The following WDPCP variants were observed in gnomAD, a reference collection of about 807,000 sequenced individuals.
WDPCP encodes WD repeat-containing and planar cell polarity effector protein fritz homolog.
Under a neutral mutation model 93.1 loss-of-function variants are expected in WDPCP, and 71 were observed. The ratio of observed to expected loss-of-function variants is 0.76; its 90% CI spans 0.63 to 0.93. The LOEUF is 0.93. Ranked by LOEUF, WDPCP falls within the 40% of genes least tolerant of loss-of-function variation. WDPCP has a pLI of 0.00. For synonymous variants in WDPCP, 315 were observed against 315.0 expected, an observed-to-expected ratio of 1.00 and a Z score of 0.00; for missense variants, 844 against 887.4, an observed-to-expected ratio of 0.95 and a Z score of 0.62.
intron 13 of WDPCP, among the ~76,000 whole-genome samples, chr2:63,259,849 T>G (rs1341666025): frequency 6.6e-6 from 1 of 152,216 alleles, no homozygotes; most frequent in African/African-American, 2.4e-5. Context: ...TACTAGTATT[T>G]TGAACTCAAA....
chr2:63,485,504 G>T (rs982883055), intron 4 of WDPCP, among the ~76,000 whole-genome samples: 15 of 151,784 alleles, frequency 9.9e-5, no homozygotes, highest in African/African-American at 3.6e-4. Context: ...GGAAAAATCT[G>T]AGGGAAATCC....
intron 3 of WDPCP, among the ~76,000 whole-genome samples, chr2:63,611,753 T>C (rs1396004753): frequency 1.3e-5 from 2 of 152,218 alleles, no homozygotes; most frequent in African/African-American, 4.8e-5. Flanking sequence ...TACGCTTTCA[T>C]TCCAGTAGTG....
chr2:63,253,759 G>GA (rs1406500661), intron 14 of WDPCP, among the ~76,000 whole-genome samples: 2 of 152,150 alleles, frequency 1.3e-5, no homozygotes, highest in African/African-American at 4.8e-5. Flanking sequence ...AGGTTGTGGA[G>GA]AAAAGGGAAT....
At chr2:63,618,252 G>C (rs1392519215) in intron 3 of WDPCP, among the ~76,000 whole-genome samples, 1 of 152,204 alleles carries the variant, frequency 6.6e-6, no homozygotes, top group African/African-American at 2.4e-5. Context: ...AGCCAGCACA[G>C]AGTGGAATGA....
At chr2:63,265,981 C>T (rs1291227110) in intron 13 of WDPCP, among the ~76,000 whole-genome samples, 1 of 151,712 alleles carries the variant, frequency 6.6e-6, no homozygotes, top group African/African-American at 2.4e-5. Flanking sequence ...GATAAAAACT[C>T]AAAAAAATAT....
intron 14 of WDPCP, among the ~76,000 whole-genome samples, chr2:63,230,554 C>G (rs974327629): frequency 5.3e-5 from 8 of 152,184 alleles, no homozygotes; most frequent in African/African-American, 1.9e-4. Context: ...GTCCCACCAA[C>G]AGTGTAAAAG....
chr2:63,301,728 G>T (rs1685346964), intron 13 of WDPCP, among the ~76,000 whole-genome samples: 1 of 151,996 alleles, frequency 6.6e-6, no homozygotes, highest in African/African-American at 2.4e-5. Flanking sequence ...ACAGCAAGGG[G>T]ACACCCCCAC....
chr2:63,798,664 AAAG>A (rs760129801), intron 2 of WDPCP, among the ~76,000 whole-genome samples: 1 of 152,310 alleles, frequency 6.6e-6, no homozygotes, highest in African/African-American at 2.4e-5. Flanking sequence ...AAAAAAAGTA[AAAG>A]AAGACCACCA....
chr2:63,322,087 C>A (rs1687146989), intron 12 of WDPCP, among the ~76,000 whole-genome samples: 1 of 152,146 alleles, frequency 6.6e-6, no homozygotes, highest in African/African-American at 2.4e-5. Context: ...TGTAAATGCA[C>A]CAATCAGCAC....
chr2:63,768,880 A>G (rs563409435), intron 2 of WDPCP, among the ~76,000 whole-genome samples: 1 of 152,168 alleles, frequency 6.6e-6, no homozygotes, highest in Non-Finnish European at 1.5e-5. Flanking sequence ...TCAACAGTCA[A>G]TGATGTCCTC....
Position 63,438,683 on chromosome 2 carries a change from A to G in WDPCP, c.499+1074T>C, listed in dbSNP as rs1409913660. 3.3e-5 allele frequency among the ~76,000 whole-genome samples: 5 copies of G among 152,052 alleles called. No individual in the cohort carries two copies. In the East Asian group the frequency reaches 7.7e-4, roughly 23 times the overall value. ...TACCCCCAGCTTATTACTATCAGTA[A>G]TGTTGCTAATTATGGCCATCCTGCA... is the stretch of plus-strand genomic sequence containing the variant. On this transcript the variant is annotated intron_variant, in intron 7 of 17. Coordinates refer to ENST00000272321, the MANE Select transcript of WDPCP (RefSeq NM_015910.7).
rs1203219895 is a variant in WDPCP, at chr2:63,440,145, A to G, written c.385-274T>C. On this transcript the variant is annotated intron_variant, in intron 6 of 17. Transcript: ENST00000272321. ...GTTTATTAGAAATCTAATCTTCTAAATACTTAGAAAGCACATATGCAGACA... is the reference window on the plus strand; with the variant it reads ...GTTTATTAGAAATCTAATCTTCTAAGTACTTAGAAAGCACATATGCAGACA... The G allele has an allele frequency of 3.0e-5, 11 of 364,344 alleles. No individual in the cohort carries two copies. In the East Asian group the frequency reaches 4.6e-4, roughly 15 times the overall value. The allele number at this position is 364,344 out of a possible 1,614,324, so 22.6% of individuals were successfully genotyped here.
intron 2 of WDPCP, among the ~76,000 whole-genome samples, chr2:63,679,124 T>C (rs77480951): frequency 0.014 from 2,068 of 152,358 alleles, 38 homozygotes; most frequent in Non-Finnish European, 0.019. Flanking sequence ...CTGGCCTATA[T>C]AATCTGCCTC....
intron 2 of WDPCP, among the ~76,000 whole-genome samples, chr2:63,778,548 C>A (rs569982549): frequency 6.6e-6 from 1 of 152,216 alleles, no homozygotes; most frequent in East Asian, 1.9e-4. Flanking sequence ...CCTACAAGAG[C>A]CAACTAAAAT....
At chr2:63,543,545 T>C (rs1704905330) in intron 1 of WDPCP, among the ~76,000 whole-genome samples, 1 of 152,082 alleles carries the variant, frequency 6.6e-6, no homozygotes, top group African/African-American at 2.4e-5. Context: ...AATTAAGACT[T>C]AAGGCTTTAA....
intron 14 of WDPCP, among the ~76,000 whole-genome samples, chr2:63,200,048 G>A (rs993616911): frequency 3.3e-5 from 5 of 152,178 alleles, no homozygotes; most frequent in African/African-American, 7.2e-5. Flanking sequence ...GCTCTGGTGG[G>A]TTTCAAACTT....
At chr2:63,595,913 T>G (rs1383216111) in intron 3 of WDPCP, among the ~76,000 whole-genome samples, 1 of 152,306 alleles carries the variant, frequency 6.6e-6, no homozygotes, top group South Asian at 2.1e-4. Context: ...TGGAAAACTT[T>G]CTCAGTTTTG....
intron 2 of WDPCP, among the ~76,000 whole-genome samples, chr2:63,792,658 G>A (rs1670561409): frequency 6.6e-6 from 1 of 152,150 alleles, no homozygotes; most frequent in Non-Finnish European, 1.5e-5. Flanking sequence ...ACGCATTTGA[G>A]AAATTGCAAG....
chr2:63,442,493 C>G (rs1697566375), intron 6 of WDPCP: 1 of 152,116 alleles, frequency 6.6e-6, no homozygotes, highest in African/African-American at 2.4e-5. Flanking sequence ...GACGTTCATC[C>G]CTTTGAATCC....
Sources: allele counts gnomAD v4.1 joint callset (sites outside exome capture counted in the v4.1 genomes callset), GRCh38; gene constraint gnomAD v4.1.1; transcripts MANE v1.5; gene names NCBI Gene and HGNC (gene_info 2026-07-23, HGNC 2026-07-21).